The following GABRB3 variants were observed in gnomAD, a reference collection of about 807,000 sequenced individuals.
GABRB3 encodes the protein gamma-aminobutyric acid receptor subunit beta-3.
GABRB3 carries 14 observed loss-of-function variants against 52.1 expected under a neutral mutation model. That is an observed-to-expected ratio of 0.27 (90% confidence interval 0.18 to 0.42). GABRB3 has a LOEUF of 0.42. Ranked by LOEUF, GABRB3 falls within the 10% of genes least tolerant of loss-of-function variation. The pLI, the probability that GABRB3 is intolerant of heterozygous loss-of-function variation, is 1.00. For missense variants in GABRB3, 307 were observed against 609.1 expected, an observed-to-expected ratio of 0.50 and a Z score of 5.22; for synonymous variants, 260 against 232.3, an observed-to-expected ratio of 1.12 and a Z score of -1.08.
intron 3 of GABRB3, among the ~76,000 whole-genome samples, chr15:26,637,209 C>T (rs1893084864): frequency 6.6e-6 from 1 of 152,160 alleles, no homozygotes; most frequent in Non-Finnish European, 1.5e-5. Flanking sequence ...CCCAGGCATC[C>T]TTCCACTTTG....
chr15:26,706,026 C>A (rs1421514008), intron 3 of GABRB3, among the ~76,000 whole-genome samples: 1 of 152,164 alleles, frequency 6.6e-6, no homozygotes, highest in African/African-American at 2.4e-5. Flanking sequence ...CAAACCTGCA[C>A]ATGTTTCCCC....
chr15:26,729,215 G>A (rs1889846645), intron 3 of GABRB3, among the ~76,000 whole-genome samples: 1 of 152,100 alleles, frequency 6.6e-6, no homozygotes, highest in East Asian at 1.9e-4. Flanking sequence ...AGTGTATTCA[G>A]ACTGCTCAGC....
chr15:26,769,487 A>G (rs1891087335), intron 3 of GABRB3, among the ~76,000 whole-genome samples: 1 of 152,162 alleles, frequency 6.6e-6, no homozygotes, highest in African/African-American at 2.4e-5. Context: ...TGAAATTATC[A>G]TGTGAAGCCC....
At chr15:26,671,851 C>T (rs1014050434) in intron 3 of GABRB3, among the ~76,000 whole-genome samples, 8 of 152,136 alleles carry the variant, frequency 5.3e-5, no homozygotes, top group African/African-American at 1.2e-4. Context: ...GCAGACCACA[C>T]GCAGGGAATT....
At chr15:26,576,266 TG>T (rs1890587517) in intron 6 of GABRB3, among the ~76,000 whole-genome samples, 1 of 152,250 alleles carries the variant, frequency 6.6e-6, no homozygotes, top group Non-Finnish European at 1.5e-5. Flanking sequence ...ATATCCTGAC[TG>T]AGCTTTATAG....
intron 3 of GABRB3, among the ~76,000 whole-genome samples, chr15:26,671,193 C>T (rs1887888169): frequency 6.6e-6 from 1 of 152,152 alleles, no homozygotes; most frequent in African/African-American, 2.4e-5. Context: ...AGAACAGAAG[C>T]TGAATAACTG....
chr15:26,768,546 C>T (rs561034926), intron 3 of GABRB3, among the ~76,000 whole-genome samples: 3 of 151,552 alleles, frequency 2.0e-5, no homozygotes, highest in East Asian at 3.9e-4. Flanking sequence ...ATCTCTTCAT[C>T]TATCTACTCA....
intron 4 of GABRB3, among the ~76,000 whole-genome samples, chr15:26,605,426 G>C (rs867119696): frequency 4.9e-4 from 74 of 152,138 alleles, no homozygotes; most frequent in African/African-American, 1.7e-3. Flanking sequence ...CACCCAACAG[G>C]TGAAAAATCA....
At chr15:26,659,833 A>C (rs946697090) in intron 3 of GABRB3, among the ~76,000 whole-genome samples, 4 of 152,188 alleles carry the variant, frequency 2.6e-5, no homozygotes, top group African/African-American at 9.7e-5. Context: ...CCAGAAAGTT[A>C]CATTGTAAAA....
chr15:26,556,451 C>T (rs1205591967), intron 8 of GABRB3, among the ~76,000 whole-genome samples: 1 of 152,128 alleles, frequency 6.6e-6, no homozygotes, highest in Admixed American at 6.5e-5. Flanking sequence ...AGCTCTGATT[C>T]CTTGCCAAGA....
At chr15:26,625,143 T>C (rs1021310604) in intron 3 of GABRB3, among the ~76,000 whole-genome samples, 15 of 152,188 alleles carry the variant, frequency 9.9e-5, no homozygotes, top group Admixed American at 9.8e-4. Context: ...TTTCAGGGCC[T>C]GGCTCTCAAT....
chr15:26,713,535 CT>C (rs1333781186), intron 3 of GABRB3, among the ~76,000 whole-genome samples: 1 of 152,050 alleles, frequency 6.6e-6, no homozygotes, highest in East Asian at 1.9e-4. Context: ...ATGATCCAGC[CT>C]GGAGGTCTGT....
chr15:26,632,952 T>A (rs1024522633), intron 3 of GABRB3, among the ~76,000 whole-genome samples: 3 of 152,144 alleles, frequency 2.0e-5, no homozygotes, highest in Admixed American at 2.0e-4. Flanking sequence ...CCTCCAGAAC[T>A]GAATGAAAAA....
intron 3 of GABRB3, among the ~76,000 whole-genome samples, chr15:26,626,514 A>C (rs2140549444): frequency 6.6e-6 from 1 of 152,352 alleles, no homozygotes; most frequent in South Asian, 2.1e-4. Context: ...CTTTTCTACC[A>C]GTTAGCCCAA....
At chr15:26,629,263 G>C in intron 3 of GABRB3, 1 of 1,194,060 alleles carries the variant, frequency 8.4e-7, no homozygotes, top group Non-Finnish European at 1.1e-6. Flanking sequence ...CCGAGAGGGA[G>C]GAGGCGTGGT....
chr15:26,628,866 A>C, intron 3 of GABRB3: 1 of 1,149,012 alleles, frequency 8.7e-7, no homozygotes, highest in Non-Finnish European at 1.2e-6. Flanking sequence ...GGCAGTCCTC[A>C]AACGGAGGCT....
chr15:26,710,256 TTTTG>T (rs1414284302), intron 3 of GABRB3, among the ~76,000 whole-genome samples: 1 of 152,028 alleles, frequency 6.6e-6, no homozygotes, highest in African/African-American at 2.4e-5. Flanking sequence ...TAATTTGTTT[TTTTG>T]TTTTGTTTTG....
intron 4 of GABRB3, among the ~76,000 whole-genome samples, chr15:26,606,776 A>ATATCGATATATATC (rs374800068): frequency 2.5e-5 from 3 of 118,304 alleles, no homozygotes; most frequent in Non-Finnish European, 5.4e-5. Flanking sequence ...ATCTATAGAT[A>ATATCGATATATATC]GATAGATATA....
At chr15:26,602,344 C>A (rs1891619811) in intron 4 of GABRB3, among the ~76,000 whole-genome samples, 1 of 152,122 alleles carries the variant, frequency 6.6e-6, no homozygotes, top group African/African-American at 2.4e-5. Context: ...CAGCATTGGA[C>A]AAATCTCCCC....
Sources: allele counts gnomAD v4.1 joint callset (sites outside exome capture counted in the v4.1 genomes callset), GRCh38; gene constraint gnomAD v4.1.1; transcripts MANE v1.5; gene names NCBI Gene and HGNC (gene_info 2026-07-23, HGNC 2026-07-21).